The following AGO2 variants were observed in gnomAD, a reference collection of about 807,000 sequenced individuals.
AGO2 encodes protein argonaute-2.
Under a neutral mutation model 102.3 loss-of-function variants are expected in AGO2, and 5 were observed. The ratio of observed to expected loss-of-function variants is 0.05; its 90% confidence interval spans 0.03 to 0.10. The LOEUF (loss-of-function observed/expected upper bound fraction) is 0.10. AGO2 is among the 10% of genes least tolerant of loss of function. The probability of loss-of-function intolerance (pLI) is 1.00; values close to 1 mark genes in which losing one functional copy is unlikely to be tolerated. For synonymous variants in AGO2, 449 were observed against 473.1 expected, an observed-to-expected ratio of 0.95 and a Z score of 0.66; for missense variants, 541 against 1,183.7, an observed-to-expected ratio of 0.46 and a Z score of 7.97.
At chr8:140,571,142 A>C (rs1470332432) in intron 3 of AGO2, among the ~76,000 whole-genome samples, 1 of 152,316 alleles carries the variant, frequency 6.6e-6, no homozygotes, top group East Asian at 1.9e-4. Context: ...ACCAACGTCT[A>C]TCACCCTGGG....
At chr8:140,543,149 CAAAACAA>C (rs1416698931) in intron 14 of AGO2, among the ~76,000 whole-genome samples, 1 of 149,384 alleles carries the variant, frequency 6.7e-6, no homozygotes, top group East Asian at 2.0e-4. Context: ...CAAAACAAAA[CAAAACAA>C]AAAACAAAAA....
At chr8:140,550,116 G>A (rs2072970976) in intron 11 of AGO2, among the ~76,000 whole-genome samples, 2 of 152,166 alleles carry the variant, frequency 1.3e-5, no homozygotes, top group Non-Finnish European at 2.9e-5. Flanking sequence ...ACCTACTTCA[G>A]CTTGCTTCCC....
chr8:140,550,348 T>C (rs1198390761), intron 11 of AGO2, among the ~76,000 whole-genome samples: 1 of 152,222 alleles, frequency 6.6e-6, no homozygotes, highest in Non-Finnish European at 1.5e-5. Flanking sequence ...TATGTTCCCT[T>C]TGAAGTCTGG....
At chr8:140,611,863 T>C (rs928136725) in intron 1 of AGO2, among the ~76,000 whole-genome samples, 4 of 152,108 alleles carry the variant, frequency 2.6e-5, no homozygotes, top group Non-Finnish European at 5.9e-5. Context: ...AGCTTTAACA[T>C]AAAAATTATA....
At chr8:140,544,436 A>C in intron 13 of AGO2, 133 bp from the exon 14 acceptor site, 1 of 733,554 alleles carries the variant, frequency 1.4e-6, no homozygotes, top group East Asian at 3.1e-5. Context: ...CTTATCTTTT[A>C]ACCGGAATAC....
In AGO2 at chr8:140,539,219, G is replaced by A; in HGVS notation, c.2169+101C>T. 6.8e-7 allele frequency: 1 copy of A among 1,481,376 alleles called. No homozygotes were observed. Among genetic ancestry groups the A allele is most frequent in the Non-Finnish European group, 9.0e-7 (1 of 1,109,022 alleles). 91.8% of individuals were successfully genotyped at this position (1,481,376 alleles called of 1,614,324 possible). ...AGGACAGAGTCACCCTAGAGCCTGGGACAGCGGCACTGTGGCCAGCAGGTT... is the reference window on the plus strand; with the variant it reads ...AGGACAGAGTCACCCTAGAGCCTGGAACAGCGGCACTGTGGCCAGCAGGTT... On this transcript the variant is annotated intron_variant, in intron 16 of 18. Coordinates refer to ENST00000220592, the MANE Select transcript of AGO2 (RefSeq NM_012154.5). This position sits in a 1 kb window ranked among gnomAD's most constrained non-coding sequence, Gnocchi z 4.7.
In AGO2 at chr8:140,572,835, G is replaced by A. The variant is rs199834249; in HGVS notation, c.313C>T (p.Pro105Ser). Residue 105 changes from proline (P) to serine (S), a missense_variant, in exon 3 of 19, where the codon CCC (proline) becomes TCC (serine). By Grantham distance (74) the Pro-to-Ser change is moderately conservative (BLOSUM62 -1). Coordinates refer to ENST00000220592, the MANE Select transcript of AGO2 (RefSeq NM_012154.5). ...ACCTTGTCCCTCCCAATCGGAAGGG[G>A]CATGGCTGTGTATAGATTCTTCCTG... ...DGRKNLYTAM[P>S]LPIGRDKVEL... The A allele has an allele frequency of 6.2e-7, 1 of 1,613,862 alleles. No homozygotes were observed.
intron 1 of AGO2, among the ~76,000 whole-genome samples, chr8:140,618,919 C>T (rs1466118771): frequency 6.6e-6 from 1 of 151,598 alleles, no homozygotes; most frequent in Non-Finnish European, 1.5e-5. Flanking sequence ...TTGAAATGAG[C>T]ATGTCTTTCT....
chr8:140,549,291 T>C lies in AGO2; in HGVS notation c.1411A>G (p.Thr471Ala). ...QCTEVHLKSF[T>A]EQLRKISRDA... is the part of the protein sequence containing the mutation. ...CTCGAGATCTTTCTGAGCTGCTCTG[T>C]GAAGGACCTGCAGGAGAAGGCTCCG... is the stretch of plus-strand genomic sequence containing the variant. Residue 471 changes from threonine to alanine, a missense_variant, in exon 12 of 19, where the codon ACA becomes GCA. Physicochemically the swap from Thr to Ala is moderately conservative, Grantham distance 58 (BLOSUM62 0). Transcript: ENST00000220592. 1.9e-6 allele frequency: 3 copies of C among 1,595,652 alleles called. No individual in the cohort carries two copies. Among genetic ancestry groups the C allele is most frequent in the Non-Finnish European group, 1.7e-6 (2 of 1,166,284 alleles).
intron 11 of AGO2, among the ~76,000 whole-genome samples, chr8:140,550,913 G>A (rs796362314): frequency 6.6e-6 from 1 of 152,176 alleles, no homozygotes; most frequent in East Asian, 1.9e-4. Context: ...TCCTGATTCT[G>A]TCTTCATTTT....
In AGO2 at chr8:140,577,839, G is replaced by A. The variant is rs573624644; in HGVS notation, c.216-4907C>T. Among the ~76,000 whole-genome samples, 7 of 152,370 alleles carry A rather than the reference G, an allele frequency of 4.6e-5. No homozygotes were observed. The South Asian group carries it at 1.4e-3, about 32-fold the overall frequency. On this transcript the variant is annotated intron_variant, in intron 2 of 18. Transcript: ENST00000220592. ...CATTCACTGTTCCGAGCCCCATCCA[G>A]CACTCGGCATGATCACTCCGCTCAC...
chr8:140,616,135 C>CCATA (rs1317066032), intron 1 of AGO2, among the ~76,000 whole-genome samples: 1 of 152,190 alleles, frequency 6.6e-6, no homozygotes, highest in Non-Finnish European at 1.5e-5. Context: ...CTCCCACACC[C>CCATA]CATAGTCTGT....
chr8:140,569,602 T>C (rs1008941438), intron 3 of AGO2, among the ~76,000 whole-genome samples: 1 of 152,202 alleles, frequency 6.6e-6, no homozygotes, highest in African/African-American at 2.4e-5. Context: ...AGGGCAGGCA[T>C]GGAGCTGGAC....
chr8:140,597,460 T>TGGGCGGGGGGGG, intron 1 of AGO2, among the ~76,000 whole-genome samples: 1 of 80,334 alleles, frequency 1.2e-5, no homozygotes, highest in Non-Finnish European at 2.6e-5. Context: ...CGATGGGGGC[T>TGGGCGGGGGGGG]GGGTGGCCCC....
At chr8:140,639,613 A>T (rs1035798169), upstream of AGO2, among the ~76,000 whole-genome samples, 1 of 148,298 alleles carries the variant, frequency 6.7e-6, no homozygotes, top group Non-Finnish European at 1.5e-5. Flanking sequence ...TCGCTACAAA[A>T]TAAAAAAAAA....
At chr8:140,619,669 G>A (rs2074191008) in intron 1 of AGO2, among the ~76,000 whole-genome samples, 1 of 152,236 alleles carries the variant, frequency 6.6e-6, no homozygotes, top group Non-Finnish European at 1.5e-5. Flanking sequence ...ACACATGAGG[G>A]CTGCGGTCAG....
intron 1 of AGO2, among the ~76,000 whole-genome samples, chr8:140,627,757 G>A (rs544133640): frequency 1.3e-5 from 2 of 152,302 alleles, no homozygotes; most frequent in South Asian, 2.1e-4. Flanking sequence ...TGGACTAGCT[G>A]TGTTCACAGC....
intron 4 of AGO2, among the ~76,000 whole-genome samples, chr8:140,561,518 C>G (rs2073201840): frequency 6.6e-6 from 1 of 152,248 alleles, no homozygotes. Flanking sequence ...TAGAGTGTTT[C>G]TCCACGTACC....
chr8:140,562,517 G>A lies in AGO2; in HGVS notation c.454C>T (p.Pro152Ser), dbSNP rs778833998. The stretch of plus-strand genomic sequence containing the variant: ...TGGATCGTCTCAAAAGGGACGCTGG[G>A]CAGCCGCCCTGAAAGTGCATCGTGT... ...ALHDALSGRL[P>S]SVPFETIQAL... The change falls in exon 4 of 19, where the codon CCC (proline) becomes TCC (serine). Residue 152 changes from proline (P) to serine (S), a missense_variant. By Grantham distance (74) the Pro-to-Ser change is moderately conservative. This residue lies in a region of AGO2 where 147 missense variants were observed against 204.1 expected (regional missense o/e 0.72). Coordinates refer to ENST00000220592, the MANE Select transcript of AGO2 (RefSeq NM_012154.5). The A allele has an allele frequency of 6.2e-7, 1 of 1,614,020 alleles. No homozygotes were observed. Among genetic ancestry groups the A allele is most frequent in the Non-Finnish European group, 8.5e-7 (1 of 1,180,026 alleles).
Sources: allele counts gnomAD v4.1 joint callset (sites outside exome capture counted in the v4.1 genomes callset), GRCh38; gene constraint gnomAD v4.1.1; regional missense constraint gnomAD v4.1.1; non-coding constraint Gnocchi (gnomAD v3.1); transcripts MANE v1.5; gene names NCBI Gene and HGNC (gene_info 2026-07-23, HGNC 2026-07-21).